Variants in FLVCR1 observed in about 807,000 individuals in gnomAD.
FLVCR1 encodes the protein choline/ethanolamine transporter FLVCR1.
A neutral mutation model predicts 53.6 loss-of-function variants in FLVCR1; 34 were observed. The ratio of observed to expected loss-of-function variants is 0.63; its 90% confidence interval spans 0.48 to 0.84. FLVCR1 has a LOEUF of 0.84. Ranked by LOEUF, FLVCR1 falls within the 40% of genes least tolerant of loss-of-function variation. FLVCR1 has a pLI of 0.00. For missense variants in FLVCR1, 677 were observed against 696.7 expected, an observed-to-expected ratio of 0.97 and a Z score of 0.32; for synonymous variants, 300 against 286.3, an observed-to-expected ratio of 1.05 and a Z score of -0.48.
Position 212,895,242 on chromosome 1 carries a change from A to G in FLVCR1, c.1620A>G (p.Gln540=), listed in dbSNP as rs1189881011. 6.2e-7 allele frequency: 1 copy of G among 1,613,476 alleles called. No homozygotes were observed. Among genetic ancestry groups the G allele is most frequent in the Admixed American group, 1.7e-5 (1 of 60,000 alleles). The part of the protein sequence containing the change: ...KAIPADSPTD[Q]EPKTVMLSKQ... The stretch of plus-strand genomic sequence containing the variant: ...TACCAGCTGACAGTCCCACAGACCA[A>G]GAACCAAAAACGGTTATGTTGTCCA... Residue 540 remains glutamine (Q), a synonymous_variant, in exon 10 of 10, where the codon CAA becomes CAG. Coordinates refer to ENST00000366971, the MANE Select transcript of FLVCR1 (RefSeq NM_014053.4).
intron 1 of FLVCR1, 127 bp from the exon 2 acceptor site, chr1:212,863,598 A>ATT: frequency 1.2e-6 from 1 of 864,236 alleles, no homozygotes. Context: ...AAAAAAAAAG[A>ATT]ACATAATAGT....
intron 1 of FLVCR1, 36 bp from the exon 2 acceptor site, chr1:212,863,689 T>C (rs1447709778): frequency 6.2e-7 from 1 of 1,608,050 alleles, no homozygotes; most frequent in East Asian, 2.2e-5. Flanking sequence ...TTTTCTCTAA[T>C]GATAATAGCT....
chr1:212,872,723 CTCT>C lies in FLVCR1; in HGVS notation c.932_934del (p.Leu311del). ...TATCCACCAAGTCAGGCTCAAGCAG[CTCT>C]TCAAGACAGTCCCCCTGAAGAGTAC... is the stretch of plus-strand genomic sequence containing the variant. On this transcript the variant is annotated inframe_deletion, in exon 3 of 10. Coordinates refer to ENST00000366971, the MANE Select transcript of FLVCR1 (RefSeq NM_014053.4). 1.2e-6 allele frequency: 2 copies of C among 1,613,720 alleles called. No homozygotes were observed. Among genetic ancestry groups the C allele is most frequent in the Non-Finnish European group, 1.7e-6 (2 of 1,179,760 alleles).
chr1:212,894,718 G>C (rs1665288795), intron 8 of FLVCR1, among the ~76,000 whole-genome samples: 1 of 152,062 alleles, frequency 6.6e-6, no homozygotes, highest in South Asian at 2.1e-4. Context: ...AGTTTCCCTA[G>C]ATTGGAGAGT....
rs1391075754 is a variant in FLVCR1, at chr1:212,888,594, G to A, written c.1413G>A (p.Gln471=). 25 of 1,592,222 alleles carry A rather than the reference G, an allele frequency of 1.6e-5. No homozygotes were observed. Among genetic ancestry groups the A allele is most frequent in the Non-Finnish European group, 2.1e-5 (24 of 1,160,370 alleles). Residue 471 remains glutamine, a splice_region_variant and synonymous_variant, in exon 7 of 10, where the codon CAG becomes CAA. Coordinates refer to ENST00000366971, the MANE Select transcript of FLVCR1 (RefSeq NM_014053.4). ...CTGGTCTTCTTAATGCTTCTGCACAGGTAAACCTCTGATTTCTCTAAACCT... is the reference window on the plus strand; with the variant it reads ...CTGGTCTTCTTAATGCTTCTGCACAAGTAAACCTCTGATTTCTCTAAACCT... The part of the protein sequence containing the change: ...TSSGLLNASA[Q]IFGILFTLAQ...
chr1:212,888,459 C>A, intron 6 of FLVCR1, 30 bp from the exon 7 acceptor site: 2 of 1,469,876 alleles, frequency 1.4e-6, no homozygotes, highest in South Asian at 2.3e-5. Context: ...TCTGGTAGTT[C>A]TTTCTGTAAT....
intron 3 of FLVCR1, among the ~76,000 whole-genome samples, chr1:212,882,743 G>C (rs1171187536): frequency 1.3e-5 from 2 of 151,992 alleles, no homozygotes; most frequent in Non-Finnish European, 2.9e-5. Flanking sequence ...AACCTATCCT[G>C]TGCTTCTCAT....
chr1:212,871,832 G>A (rs1423723736), intron 2 of FLVCR1, among the ~76,000 whole-genome samples: 3 of 152,108 alleles, frequency 2.0e-5, no homozygotes, highest in Non-Finnish European at 2.9e-5. Context: ...TTTCTAACTA[G>A]AAATGGATAG....
chr1:212,885,654 C>T (rs1330304831), intron 5 of FLVCR1: 4 of 349,488 alleles, frequency 1.1e-5, no homozygotes, highest in Non-Finnish European at 2.1e-5. Flanking sequence ...GGCTTCACGC[C>T]ATTTTCCTGC....
intron 3 of FLVCR1, among the ~76,000 whole-genome samples, chr1:212,878,677 G>A (rs1298196062): frequency 1.3e-5 from 2 of 151,996 alleles, no homozygotes; most frequent in African/African-American, 4.8e-5. Flanking sequence ...GTATTCCTAT[G>A]AAAAGATATC....
intron 7 of FLVCR1, 130 bp from the exon 8 acceptor site, chr1:212,889,015 AT>A (rs758405177): frequency 4.1e-6 from 3 of 732,050 alleles, no homozygotes; most frequent in Non-Finnish European, 6.9e-6. Context: ...TGTTTTAACA[AT>A]TCAACTTTTC....
chr1:212,865,280 A>C (rs10864012), intron 2 of FLVCR1, among the ~76,000 whole-genome samples: 67 of 128,446 alleles, frequency 5.2e-4, no homozygotes, highest in African/African-American at 1.2e-3. Context: ...CCCTCCCCCC[A>C]CCCCCCATCC....
At chr1:212,863,594 A>AAAAG in intron 1 of FLVCR1, 131 bp from the exon 2 acceptor site, 7 of 870,090 alleles carry the variant, frequency 8.0e-6, no homozygotes, top group Middle Eastern at 2.6e-4. Context: ...AAAAAAAAAA[A>AAAAG]AAGAACATAA....
At chr1:212,860,769 T>G (rs1664212228) in intron 1 of FLVCR1, among the ~76,000 whole-genome samples, 1 of 152,168 alleles carries the variant, frequency 6.6e-6, no homozygotes, top group African/African-American at 2.4e-5. Flanking sequence ...TTTATTACTC[T>G]CCATAAAACC....
intron 3 of FLVCR1, among the ~76,000 whole-genome samples, chr1:212,876,147 C>A (rs1664746489): frequency 6.6e-6 from 1 of 151,868 alleles, no homozygotes; most frequent in South Asian, 2.1e-4. Flanking sequence ...TTAAGCCTAG[C>A]ATCCATTAGC....
At chr1:212,863,669 G>T in intron 1 of FLVCR1, 56 bp from the exon 2 acceptor site, 1 of 1,503,652 alleles carries the variant, frequency 6.7e-7, no homozygotes. Context: ...TTAATTGCCA[G>T]CATTTACTTT....
intron 3 of FLVCR1, among the ~76,000 whole-genome samples, chr1:212,874,639 C>T (rs1286087156): frequency 1.3e-5 from 2 of 151,040 alleles, no homozygotes; most frequent in Non-Finnish European, 2.9e-5. Context: ...AGCAATTCTC[C>T]TGCTTCAGCC....
chr1:212,877,857 A>G (rs1046817797), intron 3 of FLVCR1, among the ~76,000 whole-genome samples: 2 of 152,112 alleles, frequency 1.3e-5, no homozygotes, highest in African/African-American at 4.8e-5. Flanking sequence ...ATCCTTAAGG[A>G]TATTTATTGT....
intron 3 of FLVCR1, 21 bp from the exon 4 acceptor site, chr1:212,883,347 TATC>T (rs1211799118): frequency 1.5e-6 from 2 of 1,295,666 alleles, no homozygotes; most frequent in Non-Finnish European, 2.2e-6. Flanking sequence ...CATGACTTAA[TATC>T]ATCTTTATTT....
Sources: gnomAD v4.1 joint callset for allele counts (sites outside exome capture counted in the v4.1 genomes callset) on GRCh38, gnomAD v4.1.1 for gene constraint, MANE v1.5 for transcripts, NCBI Gene and HGNC (gene_info 2026-07-23, HGNC 2026-07-21) for gene names.